Variants in PTPRD observed in about 807,000 individuals in gnomAD.
PTPRD encodes protein tyrosine phosphatase receptor type D, also known as receptor-type tyrosine-protein phosphatase delta.
In PTPRD, 34 loss-of-function variants were observed where a neutral mutation model predicts 214.5. The observed-to-expected ratio is 0.16, with a 90% CI of 0.12 to 0.21. The LOEUF (loss-of-function observed/expected upper bound fraction) is 0.21. PTPRD is among the 10% of genes least tolerant of loss of function. The probability of loss-of-function intolerance (pLI) is 1.00; values close to 1 mark genes in which losing one functional copy is unlikely to be tolerated. For synonymous variants in PTPRD, 1,128 were observed against 845.7 expected (o/e 1.33, Z -5.79); for missense variants, 2,545 against 2,398.7 (o/e 1.06, Z -1.27).
intron 9 of PTPRD, among the ~76,000 whole-genome samples, chr9:9,300,445 G>A (rs1017246973): frequency 2.6e-5 from 4 of 151,590 alleles, no homozygotes; most frequent in Non-Finnish European, 4.4e-5. Flanking sequence ...CTGTCTAAAC[G>A]TCATTTTGCT....
chr9:9,250,046 T>C (rs754785810), intron 9 of PTPRD, among the ~76,000 whole-genome samples: 2 of 152,050 alleles, frequency 1.3e-5, no homozygotes, highest in Non-Finnish European at 2.9e-5. Context: ...TAAGGGGAAA[T>C]CATTTTTAAT....
chr9:9,937,582 G>A (rs1297011338), intron 5 of PTPRD, among the ~76,000 whole-genome samples: 1 of 151,996 alleles, frequency 6.6e-6, no homozygotes, highest in Admixed American at 6.6e-5. Flanking sequence ...TAAATCACAA[G>A]ATACAGAATT....
intron 3 of PTPRD, among the ~76,000 whole-genome samples, chr9:10,300,426 T>C (rs560066576): frequency 3.3e-5 from 5 of 152,238 alleles, no homozygotes; most frequent in Non-Finnish European, 4.4e-5. Context: ...TTCCCTCCCC[T>C]GGAAAGGGGG....
intron 8 of PTPRD, among the ~76,000 whole-genome samples, chr9:9,450,122 G>GTGTC (rs1555420439): frequency 1.2e-5 from 1 of 85,014 alleles, no homozygotes; most frequent in Non-Finnish European, 2.6e-5. Context: ...GTGTGTGTCT[G>GTGTC]TGTGTGTGTG....
chr9:10,247,704 C>T (rs190537341), intron 3 of PTPRD, among the ~76,000 whole-genome samples: 30 of 152,134 alleles, frequency 2.0e-4, no homozygotes, highest in African/African-American at 7.2e-4. Context: ...TGTTTATTTG[C>T]TTTTCATTTT....
chr9:8,378,562 G>C (rs1383040267), intron 37 of PTPRD, among the ~76,000 whole-genome samples: 2 of 152,064 alleles, frequency 1.3e-5, no homozygotes, highest in African/African-American at 4.8e-5. Flanking sequence ...TGCCAACAAT[G>C]GGTTGAGTTG....
intron 11 of PTPRD, among the ~76,000 whole-genome samples, chr9:8,933,162 C>T (rs2098964934): frequency 6.6e-6 from 1 of 151,900 alleles, no homozygotes; most frequent in African/African-American, 2.4e-5. Flanking sequence ...GAGGTGACGC[C>T]CCACCCTGCT....
chr9:8,848,086 T>G (rs368033230), intron 11 of PTPRD, among the ~76,000 whole-genome samples: 38 of 152,102 alleles, frequency 2.5e-4, no homozygotes, highest in African/African-American at 9.2e-4. Flanking sequence ...TTTAAACACT[T>G]CTGCTCCAGG....
chr9:9,835,206 C>T (rs183699850), intron 5 of PTPRD, among the ~76,000 whole-genome samples: 17 of 152,204 alleles, frequency 1.1e-4, no homozygotes, highest in African/African-American at 3.4e-4. Context: ...TTCTGCGGAT[C>T]CACTAATCTT....
intron 3 of PTPRD, among the ~76,000 whole-genome samples, chr9:10,333,835 C>A (rs923341241): frequency 6.6e-6 from 1 of 151,758 alleles, no homozygotes; most frequent in Admixed American, 6.6e-5. Context: ...TTAGCTCCTG[C>A]ATCTATGCAC....
At chr9:8,367,266 G>A (rs1282221015) in intron 39 of PTPRD, among the ~76,000 whole-genome samples, 4 of 151,954 alleles carry the variant, frequency 2.6e-5, no homozygotes, top group African/African-American at 9.7e-5. Flanking sequence ...GTGGGTTATC[G>A]TTTGGACCCA....
At chr9:9,634,367 T>C (rs932891899) in intron 7 of PTPRD, among the ~76,000 whole-genome samples, 13 of 152,174 alleles carry the variant, frequency 8.5e-5, no homozygotes, top group African/African-American at 3.1e-4. Context: ...GAAGTGGTCA[T>C]TGTTAATATT....
At chr9:8,573,144 C>T (rs1337574972) in intron 14 of PTPRD, among the ~76,000 whole-genome samples, 1 of 151,964 alleles carries the variant, frequency 6.6e-6, no homozygotes, top group African/African-American at 2.4e-5. Context: ...TGTATTGCTA[C>T]TTCTAAAGCC....
chr9:9,891,369 A>G (rs1283118005), intron 5 of PTPRD, among the ~76,000 whole-genome samples: 2 of 150,472 alleles, frequency 1.3e-5, no homozygotes, highest in Non-Finnish European at 2.9e-5. Context: ...TCAGGAAAAC[A>G]TACACTTTTT....
chr9:9,651,548 T>A (rs918992899), intron 7 of PTPRD, among the ~76,000 whole-genome samples: 2 of 152,128 alleles, frequency 1.3e-5, no homozygotes, highest in Non-Finnish European at 2.9e-5. Flanking sequence ...TCCAGCTCCA[T>A]CCATGTCCTG....
At chr9:9,368,695 G>A (rs925034080) in intron 9 of PTPRD, among the ~76,000 whole-genome samples, 1 of 151,770 alleles carries the variant, frequency 6.6e-6, no homozygotes, top group Non-Finnish European at 1.5e-5. Context: ...TATGAACCTA[G>A]GGTAGGAAAA....
At chr9:9,498,719 A>G (rs1437256116) in intron 8 of PTPRD, among the ~76,000 whole-genome samples, 2 of 152,094 alleles carry the variant, frequency 1.3e-5, no homozygotes, top group Non-Finnish European at 2.9e-5. Flanking sequence ...CACTGACTTG[A>G]GAAATAAAAT....
chr9:9,798,523 G>A (rs187705066), intron 5 of PTPRD, among the ~76,000 whole-genome samples: 14 of 152,202 alleles, frequency 9.2e-5, no homozygotes, highest in South Asian at 4.1e-4. Flanking sequence ...GATAGGGAAG[G>A]GACTTCTCAG....
chr9:8,640,035 G>C (rs901582717), intron 12 of PTPRD, among the ~76,000 whole-genome samples: 1 of 152,086 alleles, frequency 6.6e-6, no homozygotes, highest in South Asian at 2.1e-4. Flanking sequence ...GGCTCAGTCA[G>C]TCCTCCCACC....
Sources: gnomAD v4.1 joint callset for allele counts (sites outside exome capture counted in the v4.1 genomes callset) on GRCh38, gnomAD v4.1.1 for gene constraint, MANE v1.5 for transcripts, NCBI Gene and HGNC (gene_info 2026-07-23, HGNC 2026-07-21) for gene names.